SYNCRIP: variants seen among roughly 807,000 people sequenced by gnomAD.
SYNCRIP encodes the protein heterogeneous nuclear ribonucleoprotein Q.
A neutral mutation model predicts 68.9 loss-of-function variants in SYNCRIP; 9 were observed. The observed-to-expected ratio is 0.13, with a 90% CI of 0.08 to 0.23. The LOEUF is 0.23. Ranked by LOEUF, SYNCRIP falls within the 10% of genes least tolerant of loss-of-function variation. The pLI, the probability that SYNCRIP is intolerant of heterozygous loss-of-function variation, is 1.00. For missense variants in SYNCRIP, 414 were observed against 770.6 expected, an observed-to-expected ratio of 0.54 and a Z score of 5.48; for synonymous variants, 258 against 254.0, an observed-to-expected ratio of 1.02 and a Z score of -0.15.
chr6:85,609,674 T>G (rs1042364136), downstream of SYNCRIP: 3 of 151,976 alleles, frequency 2.0e-5, no homozygotes, highest in African/African-American at 7.2e-5. Context: ...AAAGCAACTT[T>G]CTGAAAACTG....
intron 8 of SYNCRIP, among the ~76,000 whole-genome samples, chr6:85,621,127 TTAATC>T (rs1316709235): frequency 2.6e-5 from 4 of 152,348 alleles, no homozygotes; most frequent in Non-Finnish European, 5.9e-5. Flanking sequence ...TCTGAATGTG[TTAATC>T]TAAAGTGCTA....
chr6:85,619,771 T>C (rs1039437750), intron 8 of SYNCRIP, among the ~76,000 whole-genome samples: 2 of 151,612 alleles, frequency 1.3e-5, no homozygotes, highest in East Asian at 3.9e-4. Flanking sequence ...GAAACTCTCA[T>C]TCATTGCTGG....
At chr6:85,613,752 T>C (rs1805462520), downstream of SYNCRIP, among the ~76,000 whole-genome samples, 1 of 152,220 alleles carries the variant, frequency 6.6e-6, no homozygotes, top group Admixed American at 6.5e-5. Flanking sequence ...TTCCCATTGT[T>C]TTCACACTAG....
intron 1 of SYNCRIP, among the ~76,000 whole-genome samples, chr6:85,641,729 G>A (rs1016288163): frequency 6.6e-6 from 1 of 152,116 alleles, no homozygotes; most frequent in Non-Finnish European, 1.5e-5. Context: ...ATCAGCACGG[G>A]TACGAGCCAG....
chr6:85,639,879 A>AG (rs1808925632), intron 4 of SYNCRIP, among the ~76,000 whole-genome samples: 1 of 152,166 alleles, frequency 6.6e-6, no homozygotes, highest in Admixed American at 6.5e-5. Flanking sequence ...TAAAAAAAAA[A>AG]GCCAGTTGCC....
At chr6:85,629,022 A>T (rs1158278975) in intron 6 of SYNCRIP, among the ~76,000 whole-genome samples, 1 of 151,930 alleles carries the variant, frequency 6.6e-6, no homozygotes, top group Non-Finnish European at 1.5e-5. Context: ...TATTGTCTTT[A>T]TTCAAATAAT....
chr6:85,617,959 G>A (rs1242909344), intron 10 of SYNCRIP, among the ~76,000 whole-genome samples: 1 of 152,048 alleles, frequency 6.6e-6, no homozygotes, highest in Non-Finnish European at 1.5e-5. Context: ...TCTCTAAAAA[G>A]GTCTCCCTAA....
downstream of SYNCRIP, chr6:85,608,185 A>G (rs1456323452): frequency 6.6e-6 from 1 of 152,068 alleles, no homozygotes. Flanking sequence ...GGAATTTTTC[A>G]CCATTGGCTA....
chr6:85,640,104 G>A (rs1168457713), intron 4 of SYNCRIP, 117 bp downstream of exon 4: 2 of 718,338 alleles, frequency 2.8e-6, no homozygotes, highest in Non-Finnish European at 4.7e-6. Flanking sequence ...AATTAGGAAA[G>A]ATTGATGAAT....
At chr6:85,612,188 A>T (rs919109926), downstream of SYNCRIP, 5 of 152,190 alleles carry the variant, frequency 3.3e-5, no homozygotes, top group African/African-American at 9.6e-5. Context: ...CTCATATCAT[A>T]TTTAACAAGC....
intron 4 of SYNCRIP, among the ~76,000 whole-genome samples, chr6:85,638,406 A>AAAAAAAAAAAAAAC (rs1808730992): frequency 6.7e-6 from 1 of 150,050 alleles, no homozygotes; most frequent in Non-Finnish European, 1.5e-5. Context: ...AAAAAAAAAA[A>AAAAAAAAAAAAAAC]AAAGGTACAC....
At chr6:85,621,109 G>A (rs2128283750) in intron 8 of SYNCRIP, among the ~76,000 whole-genome samples, 1 of 152,292 alleles carries the variant, frequency 6.6e-6, no homozygotes, top group East Asian at 1.9e-4. Flanking sequence ...AAAATAACTT[G>A]AATACCATCT....
exon 12 of SYNCRIP, chr6:85,608,941 G>C (rs558116627): frequency 6.6e-6 from 1 of 151,950 alleles, no homozygotes; most frequent in African/African-American, 2.4e-5. Context: ...ATGCCTGTGA[G>C]CACTGCTTCA....
At chr6:85,611,634 T>C (rs529422638), downstream of SYNCRIP, 1 of 152,342 alleles carries the variant, frequency 6.6e-6, no homozygotes, top group Non-Finnish European at 1.5e-5. Flanking sequence ...GGTGGTTCAA[T>C]AGAGGATGCT....
chr6:85,643,304 C>T (rs896280919), upstream of SYNCRIP: 3 of 152,166 alleles, frequency 2.0e-5, no homozygotes, highest in African/African-American at 4.8e-5. Context: ...GAGTCGGCTC[C>T]TCTCTTTCTC....
intron 2 of SYNCRIP, among the ~76,000 whole-genome samples, 167 bp from the exon 3 acceptor site, chr6:85,640,731 G>C (rs755454630): frequency 8.7e-5 from 13 of 149,300 alleles, no homozygotes; most frequent in African/African-American, 3.2e-4. Context: ...ACTGAATCCT[G>C]AACTAAATAT....
chr6:85,633,240 A>G (rs1808030970), intron 6 of SYNCRIP, among the ~76,000 whole-genome samples: 1 of 151,646 alleles, frequency 6.6e-6, no homozygotes, highest in African/African-American at 2.4e-5. Context: ...TGGGCAACAG[A>G]GTGAGACTCC....
At chr6:85,615,862 A>G (rs1189898889) in intron 10 of SYNCRIP, among the ~76,000 whole-genome samples, 1 of 152,252 alleles carries the variant, frequency 6.6e-6, no homozygotes, top group African/African-American at 2.4e-5. Context: ...CTATTCCAAT[A>G]TACTTGAAGA....
intron 8 of SYNCRIP, among the ~76,000 whole-genome samples, chr6:85,621,770 G>C (rs1806437878): frequency 6.6e-6 from 1 of 152,108 alleles, no homozygotes; most frequent in Non-Finnish European, 1.5e-5. Flanking sequence ...GTAACTGCAA[G>C]CACCTCTGCT....
Sources: gnomAD v4.1 joint callset for allele counts (sites outside exome capture counted in the v4.1 genomes callset) on GRCh38, gnomAD v4.1.1 for gene constraint, MANE v1.5 for transcripts, NCBI Gene and HGNC (gene_info 2026-07-23, HGNC 2026-07-21) for gene names.